The following ZC3H12B variants were observed in gnomAD, a reference collection of about 807,000 sequenced individuals.
ZC3H12B encodes zinc finger CCCH-type containing 12B.
A neutral mutation model predicts 43.9 loss-of-function variants in ZC3H12B; 7 were observed. The ratio of observed to expected loss-of-function variants is 0.16; its 90% CI spans 0.09 to 0.30. The LOEUF is 0.30. ZC3H12B is among the 10% of genes least tolerant of loss of function. The pLI is 1.00. For synonymous variants in ZC3H12B, 222 were observed against 241.7 expected, an observed-to-expected ratio of 0.92 and a Z score of 0.76; for missense variants, 475 against 670.2, an observed-to-expected ratio of 0.71 and a Z score of 3.22.
At chrX:65,376,157 A>G (rs1390370690) in intron 2 of ZC3H12B, among the ~76,000 whole-genome samples, 1 of 112,374 alleles carries the variant, frequency 8.9e-6, no homozygotes, top group African/African-American at 3.2e-5. Flanking sequence ...GCTTGAAAAT[A>G]CTTCCAGTGG....
At chrX:65,132,340 G>C in the ZC3H12B span, among the ~76,000 whole-genome samples, 1 of 111,355 alleles carries the variant, frequency 9.0e-6, no homozygotes, top group African/African-American at 3.3e-5. Flanking sequence ...CCATGCTGTA[G>C]CAGGTGAGTG....
At chrX:65,453,388 AT>A (rs1164779308) in intron 3 of ZC3H12B, among the ~76,000 whole-genome samples, 3 of 86,971 alleles carry the variant, frequency 3.4e-5, no homozygotes, top group African/African-American at 8.2e-5. Context: ...ATATATATAT[AT>A]ATATATATAT....
chrX:65,259,597 T>G, the ZC3H12B span, among the ~76,000 whole-genome samples: 269 of 111,820 alleles, frequency 2.4e-3, 1 homozygote, highest in African/African-American at 8.3e-3. Flanking sequence ...TGCACAGCAA[T>G]GGAAATACTT....
the ZC3H12B span, among the ~76,000 whole-genome samples, chrX:65,206,384 A>G: frequency 8.9e-6 from 1 of 112,072 alleles, no homozygotes; most frequent in African/African-American, 3.2e-5. Flanking sequence ...CTGATCTTTG[A>G]CAAAGCAACA....
the ZC3H12B span, among the ~76,000 whole-genome samples, chrX:65,188,804 T>TG: frequency 9.3e-6 from 1 of 107,737 alleles, no homozygotes; most frequent in Non-Finnish European, 1.9e-5. Context: ...GTCTTTAAGT[T>TG]TTTTTTTTTT....
the ZC3H12B span, among the ~76,000 whole-genome samples, chrX:65,162,845 T>G: frequency 8.9e-6 from 1 of 112,240 alleles, no homozygotes; most frequent in African/African-American, 3.2e-5. Context: ...GAGACGCTCT[T>G]CTTTTTAGAG....
chrX:65,061,831 GT>G, the ZC3H12B span, among the ~76,000 whole-genome samples: 17 of 112,125 alleles, frequency 1.5e-4, no homozygotes, highest in Non-Finnish European at 3.0e-4. Flanking sequence ...AGAATCTGTT[GT>G]TTCCTGACTC....
At chrX:65,269,552 T>G in the ZC3H12B span, among the ~76,000 whole-genome samples, 2 of 110,828 alleles carry the variant, frequency 1.8e-5, no homozygotes, top group Admixed American at 1.9e-4. Flanking sequence ...CAGGCTGGAG[T>G]GCAGTGATGT....
the ZC3H12B span, among the ~76,000 whole-genome samples, chrX:65,067,353 C>T: frequency 8.9e-6 from 1 of 111,763 alleles, no homozygotes; most frequent in African/African-American, 3.3e-5. Flanking sequence ...TAGCCCCATT[C>T]CTCACAGCAC....
intron 3 of ZC3H12B, among the ~76,000 whole-genome samples, chrX:65,477,817 CTGTGTGTGTGTGTGTG>C (rs746164349): frequency 1.1e-5 from 1 of 92,981 alleles, no homozygotes; most frequent in Non-Finnish European, 2.2e-5. Context: ...AAACATTCCT[CTGTGTGTGTGTGTGTG>C]TGTGTGTGTG....
At chrX:65,427,031 C>T (rs970485688) in intron 3 of ZC3H12B, among the ~76,000 whole-genome samples, 3 of 111,382 alleles carry the variant, frequency 2.7e-5, no homozygotes, top group East Asian at 2.8e-4. Flanking sequence ...TTTTCTGTCT[C>T]GATGATCTGT....
intron 3 of ZC3H12B, among the ~76,000 whole-genome samples, chrX:65,420,314 A>G (rs1007364509): frequency 1.8e-5 from 2 of 110,846 alleles, no homozygotes; most frequent in African/African-American, 6.6e-5. Context: ...TGGGACCCAA[A>G]GCAACGCCAG....
the ZC3H12B span, among the ~76,000 whole-genome samples, chrX:65,242,657 C>T: frequency 2.7e-5 from 3 of 111,622 alleles, no homozygotes; most frequent in Admixed American, 2.9e-4. Context: ...ATCACAGGGA[C>T]CCAAAATATC....
intron 3 of ZC3H12B, among the ~76,000 whole-genome samples, chrX:65,445,380 G>C (rs1273710378): frequency 8.9e-6 from 1 of 112,448 alleles, no homozygotes; most frequent in Non-Finnish European, 1.9e-5. Context: ...AAAGGGAATT[G>C]AGTGTTGTGA....
chrX:65,310,157 A>T, the ZC3H12B span, among the ~76,000 whole-genome samples: 1 of 111,854 alleles, frequency 8.9e-6, no homozygotes, highest in East Asian at 2.8e-4. Context: ...CAGGGCAATC[A>T]GGCAAGAGAA....
At chrX:65,231,131 C>T in the ZC3H12B span, among the ~76,000 whole-genome samples, 4 of 110,903 alleles carry the variant, frequency 3.6e-5, no homozygotes, top group Admixed American at 3.9e-4. Context: ...GGTGCCATCA[C>T]ATATTGGTAG....
At position 65,400,926 on chromosome X, in the gene ZC3H12B, C is replaced by T. The variant is rs190606717; in HGVS notation, n.407+2222C>T. 7.2e-5 allele frequency among the ~76,000 whole-genome samples: 8 copies of T among 110,837 alleles called. No individual in the cohort carries two copies. In the Admixed American group the frequency reaches 7.7e-4, roughly 11 times the overall value. On this transcript the variant is annotated intron_variant and non_coding_transcript_variant, in intron 3 of 5. Coordinates refer to the ZC3H12B transcript ENST00000617377. ...CAGTACTCAGTATAGGTGTTTAATC[C>T]AAAGGTAATGTTAGTTATTTTTCTG...
the ZC3H12B span, among the ~76,000 whole-genome samples, chrX:65,149,541 G>A: frequency 9.1e-6 from 1 of 109,944 alleles, no homozygotes; most frequent in South Asian, 3.9e-4. Context: ...CAAGATGGGA[G>A]GATCCCGAGG....
At chrX:65,248,136 G>A in the ZC3H12B span, among the ~76,000 whole-genome samples, 5 of 110,033 alleles carry the variant, frequency 4.5e-5, no homozygotes, top group Non-Finnish European at 7.6e-5. Flanking sequence ...TCTCGATTTC[G>A]AGCGATTCTC....
Sources: gnomAD v4.1 joint callset for allele counts (sites outside exome capture counted in the v4.1 genomes callset) on GRCh38, gnomAD v4.1.1 for gene constraint, MANE v1.5 for transcripts, NCBI Gene and HGNC (gene_info 2026-07-23, HGNC 2026-07-21) for gene names.